Variants in TMEM178B observed in about 807,000 individuals in gnomAD.
TMEM178B encodes the protein transmembrane protein 178B.
Under a neutral mutation model 31.0 loss-of-function variants are expected in TMEM178B, and 5 were observed. The ratio of observed to expected loss-of-function variants is 0.16; its 90% confidence interval spans 0.08 to 0.34. The LOEUF (loss-of-function observed/expected upper bound fraction) is 0.34, where lower values mean the gene tolerates loss of function less well. Ranked by LOEUF, TMEM178B falls within the 10% of genes least tolerant of loss-of-function variation. TMEM178B has a pLI of 1.00. For missense variants in TMEM178B, 275 were observed against 400.3 expected (o/e 0.69, Z 2.67); for synonymous variants, 164 against 164.0 (o/e 1.00, Z 0.00).
At chr7:141,389,137 C>A (rs563291755) in intron 2 of TMEM178B, among the ~76,000 whole-genome samples, 1 of 152,138 alleles carries the variant, frequency 6.6e-6, no homozygotes, top group Non-Finnish European at 1.5e-5. Flanking sequence ...CTCCAGCCAG[C>A]GGAAACATGC....
intron 2 of TMEM178B, among the ~76,000 whole-genome samples, chr7:141,421,404 G>A (rs1386726124): frequency 6.6e-6 from 1 of 152,134 alleles, no homozygotes; most frequent in Admixed American, 6.5e-5. Context: ...CTCGTAGCAT[G>A]GCAGTGAACA....
intron 3 of TMEM178B, among the ~76,000 whole-genome samples, chr7:141,452,201 T>C (rs992619650): frequency 3.9e-5 from 6 of 152,250 alleles, no homozygotes; most frequent in Non-Finnish European, 8.8e-5. Context: ...CAGTCTTTCC[T>C]GAGCTCTGGC....
intron 1 of TMEM178B, among the ~76,000 whole-genome samples, chr7:141,135,823 G>C (rs1795666865): frequency 6.6e-6 from 1 of 152,076 alleles, no homozygotes; most frequent in South Asian, 2.1e-4. Flanking sequence ...CAGGAAACTA[G>C]AAACGCAGGA....
chr7:141,257,333 A>G (rs1440067847), intron 2 of TMEM178B, among the ~76,000 whole-genome samples: 1 of 152,210 alleles, frequency 6.6e-6, no homozygotes, highest in Non-Finnish European at 1.5e-5. Flanking sequence ...TTCTAACTTC[A>G]GGTTCAGTCC....
chr7:141,113,719 G>GCATGCA, intron 1 of TMEM178B, among the ~76,000 whole-genome samples: 1 of 152,148 alleles, frequency 6.6e-6, no homozygotes, highest in Admixed American at 6.5e-5. Context: ...GGGGACCATG[G>GCATGCA]CATGCACATC....
At chr7:141,316,449 AAGTC>A (rs1214953165) in intron 2 of TMEM178B, among the ~76,000 whole-genome samples, 1 of 152,306 alleles carries the variant, frequency 6.6e-6, no homozygotes, top group Non-Finnish European at 1.5e-5. Context: ...AACGAATTCT[AAGTC>A]AGAGAGTTGA....
At chr7:141,211,575 G>T (rs1411672059) in intron 1 of TMEM178B, among the ~76,000 whole-genome samples, 1 of 152,088 alleles carries the variant, frequency 6.6e-6, no homozygotes, top group Non-Finnish European at 1.5e-5. Context: ...CCCCTTTCCT[G>T]ATTCTTCACA....
the TMEM178B span, among the ~76,000 whole-genome samples, chr7:141,507,423 A>T: frequency 5.9e-5 from 9 of 152,062 alleles, no homozygotes; most frequent in Non-Finnish European, 1.3e-4. Context: ...CTCAGGCTGG[A>T]GGGCAGTGGC....
At chr7:141,342,637 G>A (rs1444490568) in intron 2 of TMEM178B, among the ~76,000 whole-genome samples, 2 of 152,178 alleles carry the variant, frequency 1.3e-5, no homozygotes, top group Non-Finnish European at 2.9e-5. Context: ...GTAAATTTTA[G>A]CAAATTCTCC....
At chr7:141,343,448 G>A (rs1799552647) in intron 2 of TMEM178B, among the ~76,000 whole-genome samples, 1 of 151,454 alleles carries the variant, frequency 6.6e-6, no homozygotes, top group African/African-American at 2.4e-5. Flanking sequence ...GGCCAGATTG[G>A]TGCTCAGACT....
intron 2 of TMEM178B, among the ~76,000 whole-genome samples, chr7:141,428,041 C>T (rs1018853519): frequency 6.6e-6 from 1 of 152,016 alleles, no homozygotes; most frequent in African/African-American, 2.4e-5. Flanking sequence ...GAGAGGACTC[C>T]CTGTGAATGC....
At chr7:141,154,437 CAGTT>C (rs991535266) in intron 1 of TMEM178B, among the ~76,000 whole-genome samples, 16 of 152,146 alleles carry the variant, frequency 1.1e-4, no homozygotes, top group Non-Finnish European at 7.3e-5. Context: ...TGTCTTTGTG[CAGTT>C]AGTTCTGCAG....
intron 1 of TMEM178B, among the ~76,000 whole-genome samples, chr7:141,110,968 C>T (rs1795225706): frequency 6.6e-6 from 1 of 152,194 alleles, no homozygotes; most frequent in Admixed American, 6.5e-5. Flanking sequence ...AAACCAAATG[C>T]TGCTGGAACC....
chr7:141,256,106 T>C (rs1797923994), intron 2 of TMEM178B, among the ~76,000 whole-genome samples: 1 of 152,186 alleles, frequency 6.6e-6, no homozygotes, highest in Non-Finnish European at 1.5e-5. Context: ...ATTCACTTAT[T>C]TATTCATTCA....
chr7:141,300,342 T>G (rs1798702516), intron 2 of TMEM178B, among the ~76,000 whole-genome samples: 1 of 152,152 alleles, frequency 6.6e-6, no homozygotes, highest in East Asian at 1.9e-4. Context: ...CATGTCCTCA[T>G]GGGACTCATG....
At chr7:141,362,326 A>G (rs1799930288) in intron 2 of TMEM178B, among the ~76,000 whole-genome samples, 1 of 152,212 alleles carries the variant, frequency 6.6e-6, no homozygotes, top group South Asian at 2.1e-4. Context: ...AAGAAAATAA[A>G]CATATGGCAC....
intron 2 of TMEM178B, among the ~76,000 whole-genome samples, chr7:141,236,360 G>A (rs761346099): frequency 1.3e-4 from 20 of 152,198 alleles, no homozygotes; most frequent in Non-Finnish European, 2.5e-4. Flanking sequence ...GTGGGGTGGG[G>A]TTACCAGGAC....
At chr7:141,114,925 G>A (rs1795293898) in intron 1 of TMEM178B, among the ~76,000 whole-genome samples, 1 of 152,164 alleles carries the variant, frequency 6.6e-6, no homozygotes, top group African/African-American at 2.4e-5. Flanking sequence ...GGCCAAAGTG[G>A]GTGACTCAGC....
intron 2 of TMEM178B, among the ~76,000 whole-genome samples, chr7:141,420,089 C>T (rs576020716): frequency 7.2e-5 from 11 of 152,202 alleles, no homozygotes; most frequent in African/African-American, 1.9e-4. Context: ...TTATTGAGAG[C>T]GCTTTCTTGA....
Sources: gnomAD v4.1 joint callset for allele counts (sites outside exome capture counted in the v4.1 genomes callset) on GRCh38, gnomAD v4.1.1 for gene constraint, MANE v1.5 for transcripts, NCBI Gene and HGNC (gene_info 2026-07-23, HGNC 2026-07-21) for gene names.